The following FOXP2 variants were observed in gnomAD, a reference collection of about 807,000 sequenced individuals.
FOXP2 encodes the protein forkhead box P2.
FOXP2 carries 12 observed loss-of-function variants against 115.8 expected under a neutral mutation model. The observed-to-expected ratio is 0.10, with a 90% CI of 0.07 to 0.17. The LOEUF is 0.17. Among genes scored for constraint, FOXP2 ranks in the 10% least tolerant of loss-of-function variants. FOXP2 has a pLI of 1.00. For missense variants in FOXP2, 629 were observed against 843.5 expected (o/e 0.75, Z 3.15); for synonymous variants, 328 against 297.7 (o/e 1.10, Z -1.05).
intron 1 of FOXP2, among the ~76,000 whole-genome samples, chr7:114,275,082 C>CT (rs1164084055): frequency 1.2e-4 from 18 of 150,908 alleles, no homozygotes; most frequent in African/African-American, 3.7e-4. Flanking sequence ...TTTTTCAGGA[C>CT]TTTTTTTTTC....
At chr7:114,126,688 T>C (rs964459052) in intron 1 of FOXP2, among the ~76,000 whole-genome samples, 1 of 152,158 alleles carries the variant, frequency 6.6e-6, no homozygotes, top group Non-Finnish European at 1.5e-5. Context: ...CTGTATATTA[T>C]TCAGTCAGTA....
At chr7:114,413,864 T>G (rs1793235336), upstream of FOXP2, among the ~76,000 whole-genome samples, 1 of 152,066 alleles carries the variant, frequency 6.6e-6, no homozygotes, top group South Asian at 2.1e-4. Context: ...TCGAAGTGCT[T>G]TGTTCAGTAA....
Position 114,438,131 on chromosome 7 carries a change from T to C in FOXP2, c.168+11452T>C, listed in dbSNP as rs897857645. 2.8e-4 allele frequency among the ~76,000 whole-genome samples: 42 copies of C among 152,198 alleles called. 1 individual carries two copies. Among genetic ancestry groups the C allele is most frequent in the Non-Finnish European group, 1.0e-4 (7 of 68,034 alleles). On this transcript the variant is annotated intron_variant, in intron 2 of 16. Transcript: ENST00000350908. ...TTAGAAATTAACTACATGGATCACA[T>C]TTTATTTCTGCTGGAAATGATTAGT...
chr7:114,250,461 T>C (rs1451489096), intron 1 of FOXP2, among the ~76,000 whole-genome samples: 1 of 152,184 alleles, frequency 6.6e-6, no homozygotes, highest in Non-Finnish European at 1.5e-5. Context: ...GCACCTGTTG[T>C]TTCCTGACTT....
At chr7:114,194,701 A>G (rs1159386547) in intron 1 of FOXP2, among the ~76,000 whole-genome samples, 1 of 152,052 alleles carries the variant, frequency 6.6e-6, no homozygotes, top group Non-Finnish European at 1.5e-5. Context: ...TTGCAGATAC[A>G]TAGCAAATTT....
intron 1 of FOXP2, among the ~76,000 whole-genome samples, chr7:114,143,988 G>A (rs1230132520): frequency 5.3e-5 from 8 of 152,052 alleles, no homozygotes; most frequent in Non-Finnish European, 1.0e-4. Context: ...CCCAATTTCA[G>A]ATTTTGAGTT....
chr7:114,505,930 G>C (rs1364729351), intron 2 of FOXP2, among the ~76,000 whole-genome samples: 2 of 151,488 alleles, frequency 1.3e-5, no homozygotes, highest in African/African-American at 4.8e-5. Flanking sequence ...GTAGCGTACT[G>C]TTTCTTGAAC....
intron 1 of FOXP2, among the ~76,000 whole-genome samples, chr7:114,094,565 T>C (rs761021384): frequency 3.3e-5 from 5 of 152,220 alleles, no homozygotes; most frequent in Non-Finnish European, 5.9e-5. Flanking sequence ...AAAATAATTC[T>C]GACATACCAT....
chr7:114,322,949 A>G (rs148730018), intron 2 of FOXP2, among the ~76,000 whole-genome samples: 23 of 152,290 alleles, frequency 1.5e-4, no homozygotes, highest in Middle Eastern at 6.8e-3. Context: ...ATTGTCATCA[A>G]TGTCACAGAG....
chr7:114,567,106 A>G (rs1239980509), intron 3 of FOXP2, among the ~76,000 whole-genome samples: 1 of 152,096 alleles, frequency 6.6e-6, no homozygotes, highest in African/African-American at 2.4e-5. Flanking sequence ...GAAGACAGAT[A>G]CAATGTCTTG....
intron 2 of FOXP2, among the ~76,000 whole-genome samples, chr7:114,490,609 C>G (rs914681755): frequency 6.6e-6 from 1 of 152,146 alleles, no homozygotes; most frequent in East Asian, 1.9e-4. Flanking sequence ...CACCCATTAA[C>G]TCGTCATTTA....
At chr7:114,680,390 T>G (rs1394681353) in intron 16 of FOXP2, among the ~76,000 whole-genome samples, 1 of 152,214 alleles carries the variant, frequency 6.6e-6, no homozygotes, top group Non-Finnish European at 1.5e-5. Flanking sequence ...TAATTTGCAC[T>G]AAAACCAAAG....
chr7:114,217,917 A>G (rs1563009755), intron 1 of FOXP2, among the ~76,000 whole-genome samples: 1 of 152,180 alleles, frequency 6.6e-6, no homozygotes, highest in Non-Finnish European at 1.5e-5. Context: ...AGTGTTGTCT[A>G]CTGAATGATT....
At chr7:114,336,891 C>T (rs1472976432) in intron 2 of FOXP2, among the ~76,000 whole-genome samples, 1 of 151,422 alleles carries the variant, frequency 6.6e-6, no homozygotes, top group Non-Finnish European at 1.5e-5. Context: ...TGTTACTTTT[C>T]AGGACAAATT....
At chr7:114,611,015 A>G (rs1212570472) in intron 3 of FOXP2, among the ~76,000 whole-genome samples, 1 of 152,142 alleles carries the variant, frequency 6.6e-6, no homozygotes, top group African/African-American at 2.4e-5. Context: ...TTTGAGATAA[A>G]ACGTGTGAAA....
At chr7:114,417,949 A>G (rs1793421339) in intron 1 of FOXP2, among the ~76,000 whole-genome samples, 1 of 151,978 alleles carries the variant, frequency 6.6e-6, no homozygotes, top group African/African-American at 2.4e-5. Context: ...TACTTTGTGA[A>G]AAGTACTTTA....
At chr7:114,655,727 G>T (rs900303284) in intron 10 of FOXP2, among the ~76,000 whole-genome samples, 1 of 152,130 alleles carries the variant, frequency 6.6e-6, no homozygotes, top group African/African-American at 2.4e-5. Context: ...TTAATAGCAT[G>T]AATTTATTAC....
chr7:114,499,038 C>G (rs1797448512), intron 2 of FOXP2: 1 of 638,054 alleles, frequency 1.6e-6, no homozygotes, highest in African/African-American at 1.8e-5. Flanking sequence ...TCAGGCCACT[C>G]CCTAGACCTA....
At position 114,129,704 on chromosome 7, in the gene FOXP2, C is replaced by T. The variant is rs115172201; in HGVS notation, c.-246-33240C>T. On this transcript the variant is annotated intron_variant, in intron 1 of 19. Transcript: ENST00000635638. ...TATTGTTTAGCACTATGGTGTTGGC[C>T]GAACTTTATAAATTAACCCTGTTTT... Among the ~76,000 whole-genome samples, 1,068 of 152,142 alleles carry T rather than the reference C, an allele frequency of 7.0e-3. 12 individuals carry two copies. Among genetic ancestry groups the T allele is most frequent in the African/African-American group, 0.024 (1,010 of 41,522 alleles).
Sources: gnomAD v4.1 joint callset for allele counts (sites outside exome capture counted in the v4.1 genomes callset) on GRCh38, gnomAD v4.1.1 for gene constraint, MANE v1.5 for transcripts, NCBI Gene and HGNC (gene_info 2026-07-23, HGNC 2026-07-21) for gene names.